Variants in MCM9 observed in about 807,000 individuals in gnomAD.
The protein encoded by MCM9 is DNA helicase MCM9.
Under a neutral mutation model 72.8 loss-of-function variants are expected in MCM9, and 55 were observed. That is an observed-to-expected ratio of 0.76 (90% CI 0.61 to 0.95). MCM9 has a LOEUF of 0.95. Ranked by LOEUF, MCM9 falls within the 40% of genes least tolerant of loss-of-function variation. The probability of loss-of-function intolerance (pLI) is 0.00; values close to 1 mark genes in which losing one functional copy is unlikely to be tolerated. For missense variants in MCM9, 1,279 were observed against 1,377.0 expected (o/e 0.93, Z 1.13); for synonymous variants, 480 against 503.4 (o/e 0.95, Z 0.62).
intron 8 of MCM9, chr6:118,894,385 G>A (rs1302956686): frequency 6.5e-7 from 1 of 1,536,980 alleles, no homozygotes; most frequent in Non-Finnish European, 8.7e-7. Flanking sequence ...ACCAGCCCCA[G>A]TTCCCATTGT....
chr6:118,929,230 A>G (rs1782180061), intron 3 of MCM9, among the ~76,000 whole-genome samples: 1 of 152,216 alleles, frequency 6.6e-6, no homozygotes, highest in Non-Finnish European at 1.5e-5. Flanking sequence ...AAAAACAAAA[A>G]CAACATACCT....
At chr6:118,855,181 T>C (rs574284165) in intron 9 of MCM9, among the ~76,000 whole-genome samples, 4 of 152,320 alleles carry the variant, frequency 2.6e-5, no homozygotes, top group Non-Finnish European at 4.4e-5. Context: ...TAAATGGAGA[T>C]ATAATGAGAA....
At chr6:118,907,599 C>T (rs923010143) in intron 8 of MCM9, 6 of 1,613,144 alleles carry the variant, frequency 3.7e-6, no homozygotes, top group East Asian at 2.2e-5. Context: ...TAGAATCCCA[C>T]ATGGACTGCA....
Position 118,893,976 on chromosome 6 carries a change from C to T in MCM9, c.1150+17674G>A, listed in dbSNP as rs1779152471. Reference sequence around the variant, plus strand: ...GCCACGCCCCCTCCGCCCCTCTCCGCGCCGCCGCCGGCGGCCTCCGCGCGG... The same window carrying T: ...GCCACGCCCCCTCCGCCCCTCTCCGTGCCGCCGCCGGCGGCCTCCGCGCGG... On this transcript the variant is annotated intron_variant, in intron 8 of 13. Coordinates refer to ENST00000619706, the MANE Select transcript of MCM9 (RefSeq NM_017696.3). 9.2e-6 allele frequency: 9 copies of T among 981,048 alleles called. No individual in the cohort carries two copies. The South Asian group carries it at 4.1e-4, about 45-fold the overall frequency. The allele number at this position is 981,048 out of a possible 1,614,324, so 60.8% of individuals were successfully genotyped here.
intron 9 of MCM9, among the ~76,000 whole-genome samples, chr6:118,855,048 G>A (rs537971744): frequency 2.6e-5 from 4 of 152,192 alleles, no homozygotes; most frequent in Admixed American, 6.5e-5. Context: ...TTTTTCCAGT[G>A]CACAAAGTAG....
Position 118,910,118 on chromosome 6 carries a change from A to C in MCM9, c.1150+1532T>G, listed in dbSNP as rs1334537983. Among the ~76,000 whole-genome samples the C allele has an allele frequency of 7.0e-4, 9 of 12,794 alleles. No individual in the cohort carries two copies. In the East Asian group the frequency reaches 0.034, roughly 49 times the overall value. 8.4% of individuals were successfully genotyped at this position (12,794 alleles called of 152,430 possible). A position where few individuals can be genotyped will look rare whatever the true frequency, so the allele number is the denominator to read the frequency against. On this transcript the variant is annotated intron_variant, in intron 8 of 13. Transcript: ENST00000619706. ...GGCGACAGCACTAGACTCTATCTCA[A>C]AAAAAAAAAAAAAAAAAGACTCCAT...
chr6:118,874,192 T>C (rs557218754), intron 8 of MCM9, among the ~76,000 whole-genome samples: 1 of 152,140 alleles, frequency 6.6e-6, no homozygotes, highest in East Asian at 1.9e-4. Flanking sequence ...AAGGCAGAGG[T>C]TGCAGCGAGC....
At chr6:118,925,054 AAGAC>A (rs536935952) in intron 3 of MCM9, among the ~76,000 whole-genome samples, 54 of 151,860 alleles carry the variant, frequency 3.6e-4, no homozygotes, top group Admixed American at 3.1e-3. Context: ...AAAAAAAAGA[AAGAC>A]AGGGAGGGAG....
Position 118,816,017 on chromosome 6 carries a change from A to AAT in MCM9, c.2237_2238dup (p.Phe747IlefsTer78). 1.3e-6 allele frequency: 2 copies of AAT among 1,550,526 alleles called. No individual in the cohort carries two copies. The highest frequency in any genetic ancestry group is 1.7e-6 in the Non-Finnish European group (2 of 1,146,944). On this transcript the variant is annotated frameshift_variant, in exon 14 of 14. Coordinates refer to ENST00000619706, the MANE Select transcript of MCM9 (RefSeq NM_017696.3). LOFTEE classifies it low-confidence loss of function (END_TRUNC). ...GGTTCACTCTGATGAGTTGCCATGA[A>AAT]ATCAAACCAATCTAAACTGTCATCT...
At chr6:118,850,416 C>G (rs1401148260) in intron 9 of MCM9, among the ~76,000 whole-genome samples, 1 of 151,546 alleles carries the variant, frequency 6.6e-6, no homozygotes, top group Admixed American at 6.6e-5. Context: ...TGACCCAGGC[C>G]TAAGTTGACA....
At chr6:118,929,083 G>A (rs1782160577) in intron 3 of MCM9, among the ~76,000 whole-genome samples, 1 of 152,084 alleles carries the variant, frequency 6.6e-6, no homozygotes, top group Admixed American at 6.5e-5. Context: ...AGCTGGGCAT[G>A]GTGGCACATG....
chr6:118,828,882 A>G, intron 10 of MCM9, 166 bp downstream of exon 10: 1 of 637,046 alleles, frequency 1.6e-6, no homozygotes, highest in Non-Finnish European at 2.6e-6. Context: ...CAGTATTCTG[A>G]GGCCCCGTAA....
intron 13 of MCM9, among the ~76,000 whole-genome samples, chr6:118,825,301 C>T (rs1774094389): frequency 6.6e-6 from 1 of 152,234 alleles, no homozygotes; most frequent in Admixed American, 6.5e-5. Context: ...TTACTGCAGT[C>T]TGGCACCTGG....
chr6:118,904,716 C>T (rs1160273118), intron 8 of MCM9, among the ~76,000 whole-genome samples: 1 of 152,218 alleles, frequency 6.6e-6, no homozygotes, highest in East Asian at 1.9e-4. Context: ...CACTGGTTTC[C>T]ACATTATGTG....
At chr6:118,856,887 A>G (rs552645153) in intron 8 of MCM9, among the ~76,000 whole-genome samples, 1 of 152,182 alleles carries the variant, frequency 6.6e-6, no homozygotes, top group Non-Finnish European at 1.5e-5. Context: ...TCTTAAAAAA[A>G]CAAAAAAGGC....
intron 8 of MCM9, among the ~76,000 whole-genome samples, chr6:118,880,497 AGG>A (rs1778219262): frequency 6.6e-6 from 1 of 152,228 alleles, no homozygotes; most frequent in Non-Finnish European, 1.5e-5. Flanking sequence ...CAATACAGAA[AGG>A]ACTTTCAGCC....
rs1209532166 is a variant in MCM9, at chr6:118,856,650, GAGA to G, written c.1151-108_1151-106del. On this transcript the variant is annotated intron_variant, in intron 8 of 13. Coordinates refer to ENST00000619706, the MANE Select transcript of MCM9 (RefSeq NM_017696.3). The stretch of plus-strand genomic sequence containing the variant: ...TTCCAGCAGTTTAGGAGGCTGAGGT[GAGA>G]AGATTTCTTGAACACAGGAGTTCGA... The G allele has an allele frequency of 6.5e-6, 8 of 1,235,960 alleles. No homozygotes were observed. The Admixed American group carries it at 1.6e-4, about 24-fold the overall frequency. 76.6% of individuals were successfully genotyped at this position (1,235,960 alleles called of 1,614,324 possible). A position where few individuals can be genotyped will look rare whatever the true frequency, so the allele number is the denominator to read the frequency against.
chr6:118,833,301 T>C (rs1022597767), intron 9 of MCM9, among the ~76,000 whole-genome samples: 6 of 152,150 alleles, frequency 3.9e-5, no homozygotes, highest in Non-Finnish European at 8.8e-5. Context: ...ATTTGAGGTT[T>C]TGAAGTGTTA....
chr6:118,835,019 T>C (rs947706203), intron 9 of MCM9, among the ~76,000 whole-genome samples: 1 of 152,224 alleles, frequency 6.6e-6, no homozygotes, highest in African/African-American at 2.4e-5. Context: ...CCATCTTAAT[T>C]TTTGTATAAG....
Sources: gnomAD v4.1 joint callset for allele counts (sites outside exome capture counted in the v4.1 genomes callset) on GRCh38, gnomAD v4.1.1 for gene constraint, MANE v1.5 for transcripts, NCBI Gene and HGNC (gene_info 2026-07-23, HGNC 2026-07-21) for gene names.